Variants in DLC1 observed in about 807,000 individuals in gnomAD.
DLC1 encodes DLC1 Rho GTPase activating protein.
DLC1 carries 54 observed loss-of-function variants against 140.3 expected under a neutral mutation model. The ratio of observed to expected loss-of-function variants is 0.38; its 90% CI spans 0.31 to 0.48. DLC1 has a LOEUF of 0.48. Ranked by LOEUF, DLC1 falls within the 20% of genes least tolerant of loss-of-function variation. The probability of loss-of-function intolerance (pLI) is 0.96; values close to 1 mark genes in which losing one functional copy is unlikely to be tolerated. For missense variants in DLC1, 2,536 were observed against 1,907.0 expected, an observed-to-expected ratio of 1.33 and a Z score of -6.14; for synonymous variants, 986 against 728.1, an observed-to-expected ratio of 1.35 and a Z score of -5.70.
chr8:13,598,640 A>C (rs910184184), intron 1 of DLC1, among the ~76,000 whole-genome samples: 2 of 152,040 alleles, frequency 1.3e-5, no homozygotes, highest in African/African-American at 4.8e-5. Flanking sequence ...TTACATTTGC[A>C]TGCACTATTT....
chr8:13,142,901 T>C (rs1385381267), intron 5 of DLC1, among the ~76,000 whole-genome samples: 3 of 151,992 alleles, frequency 2.0e-5, no homozygotes, highest in Non-Finnish European at 2.9e-5. Context: ...AATACAAAAT[T>C]AGCTGGGTGT....
chr8:13,483,595 T>C (rs1438458937), intron 2 of DLC1, among the ~76,000 whole-genome samples: 1 of 152,042 alleles, frequency 6.6e-6, no homozygotes, highest in Non-Finnish European at 1.5e-5. Flanking sequence ...CTGGGAGAGC[T>C]TTCAGGGAGA....
At chr8:13,587,699 T>C (rs2117463812) in intron 1 of DLC1, among the ~76,000 whole-genome samples, 1 of 151,130 alleles carries the variant, frequency 6.6e-6, no homozygotes, top group East Asian at 1.9e-4. Flanking sequence ...CCATAAGTTC[T>C]GTTTACCTGG....
At chr8:13,271,095 A>G (rs999651784) in intron 5 of DLC1, among the ~76,000 whole-genome samples, 3 of 152,166 alleles carry the variant, frequency 2.0e-5, no homozygotes, top group Non-Finnish European at 2.9e-5. Context: ...TGACATCAAC[A>G]TGTTCCTCTT....
At chr8:13,571,649 C>T (rs1319298963) in intron 1 of DLC1, among the ~76,000 whole-genome samples, 6 of 152,100 alleles carry the variant, frequency 3.9e-5, no homozygotes, top group African/African-American at 1.4e-4. Context: ...GGCTATTGTG[C>T]GTAATGCTGC....
At chr8:13,599,466 G>C (rs1805799677) in intron 1 of DLC1, among the ~76,000 whole-genome samples, 1 of 151,934 alleles carries the variant, frequency 6.6e-6, no homozygotes, top group African/African-American at 2.4e-5. Flanking sequence ...TTTTGTGTTA[G>C]TTAAAATATT....
chr8:13,133,144 G>C (rs1822263718), intron 5 of DLC1: 9 of 1,449,086 alleles, frequency 6.2e-6, no homozygotes, highest in Non-Finnish European at 8.2e-6. Flanking sequence ...GCCCCAGAAA[G>C]AAAGCGGGGT....
At chr8:13,578,587 C>G (rs1434333402) in intron 1 of DLC1, among the ~76,000 whole-genome samples, 3 of 152,182 alleles carry the variant, frequency 2.0e-5, no homozygotes, top group African/African-American at 7.2e-5. Flanking sequence ...TCTGACTGAC[C>G]TGCTATAAAT....
rs770811867 is a variant in DLC1 at position 13,102,851 on chromosome 8, C to T, written c.1505G>A (p.Arg502His). Residue 502 changes from arginine (R) to histidine (H), a missense_variant and splice_region_variant, in exon 8 of 18, where the codon CGT (arginine) becomes CAT (histidine). Arg to His is a conservative substitution (Grantham distance 29). Coordinates refer to ENST00000276297, the MANE Select transcript of DLC1 (RefSeq NM_182643.3). ...DRDAIEALCR[R>H]LNTLNKCAVM... is the part of the protein sequence containing the mutation. ...CGCACATTTGTTTAAAGTATTTAGA[C>T]GCCTATAGAGCAAAGAAATAACGTT... 4 of 1,613,720 alleles carry T rather than the reference C, an allele frequency of 2.5e-6. No individual in the cohort carries two copies. Among genetic ancestry groups the T allele is most frequent in the Admixed American group, 1.7e-5 (1 of 59,982 alleles).
intron 5 of DLC1, among the ~76,000 whole-genome samples, chr8:13,124,292 A>T (rs1821371592): frequency 6.6e-6 from 1 of 152,134 alleles, no homozygotes; most frequent in African/African-American, 2.4e-5. Flanking sequence ...TCCTTTATTT[A>T]AGGAAGCATT....
chr8:13,554,075 T>G (rs1391430629), intron 1 of DLC1, among the ~76,000 whole-genome samples: 1 of 152,148 alleles, frequency 6.6e-6, no homozygotes, highest in Admixed American at 6.6e-5. Context: ...TTTGCTTGTT[T>G]TGTTTTTTTG....
At chr8:13,369,539 C>A (rs189883821) in intron 4 of DLC1, among the ~76,000 whole-genome samples, 48 of 152,236 alleles carry the variant, frequency 3.2e-4, no homozygotes, top group African/African-American at 1.1e-3. Context: ...TTGATGAGTT[C>A]TCTCATTCTT....
chr8:13,182,748 G>A (rs1295451671), intron 5 of DLC1, among the ~76,000 whole-genome samples: 2 of 152,174 alleles, frequency 1.3e-5, no homozygotes, highest in African/African-American at 4.8e-5. Context: ...TTGAAGTCAG[G>A]CAGCGTGATG....
At chr8:13,563,967 GA>G in intron 1 of DLC1, among the ~76,000 whole-genome samples, 1 of 152,096 alleles carries the variant, frequency 6.6e-6, no homozygotes, top group South Asian at 2.1e-4. Context: ...AGAAATTCAA[GA>G]AAAATATTAC....
At chr8:13,209,674 G>T (rs536528405) in intron 5 of DLC1, among the ~76,000 whole-genome samples, 9 of 152,004 alleles carry the variant, frequency 5.9e-5, no homozygotes, top group African/African-American at 2.2e-4. Flanking sequence ...TACTGTCCTC[G>T]TGATAGTCAA....
chr8:13,128,816 CAG>C (rs1322161447), intron 5 of DLC1, among the ~76,000 whole-genome samples: 2 of 141,006 alleles, frequency 1.4e-5, no homozygotes, highest in Admixed American at 1.4e-4. Flanking sequence ...GCCTGGGCGA[CAG>C]AGAGAGACTC....
At chr8:13,135,179 T>C (rs1822467888) in intron 5 of DLC1, among the ~76,000 whole-genome samples, 2 of 150,880 alleles carry the variant, frequency 1.3e-5, no homozygotes, top group Admixed American at 1.3e-4. Flanking sequence ...AGGAAAGTCC[T>C]TAGGAGTGAT....
At chr8:13,587,098 A>ACACACACACT (rs1266799083) in intron 1 of DLC1, among the ~76,000 whole-genome samples, 1 of 151,380 alleles carries the variant, frequency 6.6e-6, no homozygotes, top group African/African-American at 2.4e-5. Flanking sequence ...ACACACACAC[A>ACACACACACT]CACACACATT....
At chr8:13,573,660 A>C (rs1176368201) in intron 1 of DLC1, among the ~76,000 whole-genome samples, 6 of 152,172 alleles carry the variant, frequency 3.9e-5, no homozygotes, top group Non-Finnish European at 8.8e-5. Flanking sequence ...GTATCATAAA[A>C]GTGTTTCGTA....
Sources: gnomAD v4.1 joint callset for allele counts (sites outside exome capture counted in the v4.1 genomes callset) on GRCh38, gnomAD v4.1.1 for gene constraint, MANE v1.5 for transcripts, NCBI Gene and HGNC (gene_info 2026-07-23, HGNC 2026-07-21) for gene names.